The following DDC variants were observed in gnomAD, a reference collection of about 807,000 sequenced individuals.
DDC encodes the protein dopa decarboxylase.
Under a neutral mutation model 60.0 loss-of-function variants are expected in DDC, and 43 were observed. That is an observed-to-expected ratio of 0.72 (90% confidence interval 0.56 to 0.92). The LOEUF (loss-of-function observed/expected upper bound fraction) is 0.92, where lower values mean the gene tolerates loss of function less well. Among genes scored for constraint, DDC ranks in the 40% least tolerant of loss-of-function variants. DDC has a pLI of 0.00. For missense variants in DDC, 573 were observed against 620.2 expected (o/e 0.92, Z 0.81); for synonymous variants, 232 against 234.6 (o/e 0.99, Z 0.10).
chr7:50,527,831 C>T (rs1016517888), intron 6 of DDC: 20 of 334,498 alleles, frequency 6.0e-5, no homozygotes, highest in African/African-American at 4.3e-4. Flanking sequence ...AGTTCTTCCA[C>T]ATTACACTGT....
At chr7:50,485,127 C>T (rs2042854800) in intron 9 of DDC, among the ~76,000 whole-genome samples, 1 of 151,914 alleles carries the variant, frequency 6.6e-6, no homozygotes, top group East Asian at 1.9e-4. Flanking sequence ...CAAAATTTAA[C>T]ATTTTGGGAA....
chr7:50,479,800 G>C lies in DDC; in HGVS notation c.1008C>G (p.Ser336Arg), dbSNP rs755084437. 1 of 1,613,454 alleles carries C rather than the reference G, an allele frequency of 6.2e-7. No individual in the cohort carries two copies. Among genetic ancestry groups the C allele is most frequent in the Non-Finnish European group, 8.5e-7 (1 of 1,179,768 alleles). The change falls in exon 10 of 15, where the codon AGC (serine) becomes AGG (arginine). Residue 336 changes from serine (S) to arginine (R), a missense_variant. Ser to Arg is a moderately radical substitution (Grantham distance 110). Transcript: ENST00000444124. ...CTCACAGCTTACCTGAATCCTGATG[G>C]CTGTGCTTCAGGTAAGTGGGGTCCA... ...FRLDPTYLKH[S>R]HQDSGLITDY...
Position 50,467,254 on chromosome 7 carries a change from C to T in DDC, c.1202G>A (p.Cys401Tyr). Residue 401 changes from cysteine to tyrosine, a missense_variant, in exon 13 of 15, where the codon TGT becomes TAT. Physicochemically the swap from Cys to Tyr is radical, Grantham distance 194. Transcript: ENST00000444124. ...GACAAGCCCCAGAATGACTTCCACA[C>T]AGATTTCAAAGCGGGGATCCTGGCG... The part of the protein sequence containing the change: ...LVRQDPRFEI[C>Y]VEVILGLVCF... 1.2e-6 allele frequency: 2 copies of T among 1,614,194 alleles called. No homozygotes were observed. The highest frequency in any genetic ancestry group is 8.5e-7 in the Non-Finnish European group (1 of 1,180,012).
At chr7:50,557,445 G>C (rs1319497791) in intron 1 of DDC, among the ~76,000 whole-genome samples, 1 of 152,252 alleles carries the variant, frequency 6.6e-6, no homozygotes, top group Non-Finnish European at 1.5e-5. Flanking sequence ...ACATGAAACT[G>C]ATTGATATTA....
chr7:50,526,013 G>A (rs748320466), intron 6 of DDC, among the ~76,000 whole-genome samples: 10 of 151,944 alleles, frequency 6.6e-5, no homozygotes, highest in Non-Finnish European at 1.5e-4. Flanking sequence ...AGGAAATGAG[G>A]AGAGGCAAAC....
chr7:50,458,991 C>T (rs1268112063), intron 14 of DDC, 148 bp from the exon 15 acceptor site: 2 of 152,076 alleles, frequency 1.3e-5, no homozygotes, highest in Admixed American at 6.5e-5. Flanking sequence ...TTTCCACGGT[C>T]TCCCACTGAT....
intron 6 of DDC, among the ~76,000 whole-genome samples, chr7:50,526,008 A>G (rs2044027991): frequency 1.3e-5 from 2 of 152,114 alleles, no homozygotes; most frequent in Non-Finnish European, 2.9e-5. Flanking sequence ...GAGAGAGGAA[A>G]TGAGGAGAGG....
intron 6 of DDC, among the ~76,000 whole-genome samples, chr7:50,514,067 C>T (rs1428299879): frequency 6.6e-6 from 1 of 152,154 alleles, no homozygotes; most frequent in African/African-American, 2.4e-5. Context: ...TCACGGAGTC[C>T]ATTGCACCCC....
At chr7:50,462,242 A>AG (rs1317694816) in intron 14 of DDC, among the ~76,000 whole-genome samples, 3 of 147,714 alleles carry the variant, frequency 2.0e-5, no homozygotes, top group South Asian at 2.1e-4. Flanking sequence ...AAAAAAAAAA[A>AG]AAAAAAGAAA....
intron 13 of DDC, among the ~76,000 whole-genome samples, chr7:50,463,928 C>T (rs1271298758): frequency 1.3e-5 from 2 of 152,132 alleles, no homozygotes; most frequent in Admixed American, 6.6e-5. Flanking sequence ...CAGACAAGCA[C>T]GGCCCACCAG....
Position 50,460,339 on chromosome 7 carries a change from C to T in DDC, c.*19-1496G>A, listed in dbSNP as rs1389636169. Among the ~76,000 whole-genome samples, 8 of 141,032 alleles carry T rather than the reference C, an allele frequency of 5.7e-5. 1 individual carries two copies. Among genetic ancestry groups the T allele is most frequent in the East Asian group, 2.1e-4 (1 of 4,654 alleles). The allele number at this position is 141,032 out of a possible 152,430, so 92.5% of individuals were successfully genotyped here. A position where few individuals can be genotyped will look rare whatever the true frequency, so the allele number is the denominator to read the frequency against. ...TGAGGAGCCCCTCTGCCCGGCCAGC[C>T]GCCCCGTCCAGGAAGGAGGTGGGAG... On this transcript the variant is annotated intron_variant, in intron 14 of 14. Coordinates refer to ENST00000444124, the MANE Select transcript of DDC (RefSeq NM_001082971.2).
intron 1 of DDC, among the ~76,000 whole-genome samples, 191 bp from the exon 2 acceptor site, chr7:50,544,304 G>C (rs949010558): frequency 3.9e-5 from 6 of 152,282 alleles, no homozygotes; most frequent in Admixed American, 2.6e-4. Flanking sequence ...TTGGGACTGA[G>C]GCAAAAGCTG....
chr7:50,495,798 A>G lies in DDC; in HGVS notation c.877-381T>C, dbSNP rs555529839. ...ATGTGACATAAAATGTATCCATATTATATTTTAAATTACTGGAATATTTGG... is the reference window on the plus strand; with the variant it reads ...ATGTGACATAAAATGTATCCATATTGTATTTTAAATTACTGGAATATTTGG... On this transcript the variant is annotated intron_variant, in intron 8 of 14. Coordinates refer to ENST00000444124, the MANE Select transcript of DDC (RefSeq NM_001082971.2). Among the ~76,000 whole-genome samples the G allele has an allele frequency of 2.0e-5, 3 of 152,364 alleles. No homozygotes were observed. In the South Asian group the frequency reaches 6.2e-4, roughly 32 times the overall value.
At position 50,480,167 on chromosome 7, in the gene DDC, C is replaced by T. The variant is rs11575453; in HGVS notation, c.945-304G>A. On this transcript the variant is annotated intron_variant, in intron 9 of 14. Transcript: ENST00000444124. ...CTGGCAGCTGGGGTCTCCTCGATGG[C>T]TTCCAATCTCCAGGGAGGGTAGGGG... Among the ~76,000 whole-genome samples, 15,813 of 152,246 alleles carry T rather than the reference C, an allele frequency of 0.1. 858 individuals are homozygous for T. The highest frequency in any genetic ancestry group is 0.14 in the African/African-American group (5,661 of 41,516).
At chr7:50,507,984 C>T (rs553346044) in intron 6 of DDC, among the ~76,000 whole-genome samples, 1 of 152,336 alleles carries the variant, frequency 6.6e-6, no homozygotes, top group East Asian at 1.9e-4. Flanking sequence ...CAAATGTGAC[C>T]CCAGGCTTGG....
chr7:50,515,922 A>T (rs1193175285), intron 6 of DDC, among the ~76,000 whole-genome samples: 1 of 152,204 alleles, frequency 6.6e-6, no homozygotes, highest in African/African-American at 2.4e-5. Flanking sequence ...TCCCAAATTG[A>T]TCAAACAATT....
At chr7:50,482,161 T>A (rs17152020) in intron 9 of DDC, among the ~76,000 whole-genome samples, 33,430 of 152,088 alleles carry the variant, frequency 0.22, 3,826 homozygotes, top group African/African-American at 0.23. Flanking sequence ...ATTCAATAGC[T>A]CCAAATCAGT....
At position 50,458,747 on chromosome 7, in the gene DDC, T is replaced by C. The variant is rs1238528813; in HGVS notation, c.*115A>G. The C allele has an allele frequency of 6.6e-6, 1 of 152,176 alleles. No homozygotes were observed. Among genetic ancestry groups the C allele is most frequent in the Non-Finnish European group, 1.5e-5 (1 of 68,026 alleles). The allele number at this position is 152,176 out of a possible 1,614,324, so 9.4% of individuals were successfully genotyped here. A position where few individuals can be genotyped will look rare whatever the true frequency, so the allele number is the denominator to read the frequency against. On this transcript the variant is annotated 3_prime_UTR_variant, in exon 15 of 15. Transcript: ENST00000444124. ...CTCTGGATAACTTTGGAGAAAGACA[T>C]GGGAAGCCACAGACAGCTGAGTTCC...
intron 6 of DDC, among the ~76,000 whole-genome samples, chr7:50,510,806 C>G (rs1018560066): frequency 6.6e-6 from 1 of 151,370 alleles, no homozygotes; most frequent in African/African-American, 2.4e-5. Context: ...ACGGTAAAAC[C>G]CCGTCTCTAC....
Sources: gnomAD v4.1 joint callset for allele counts (sites outside exome capture counted in the v4.1 genomes callset) on GRCh38, gnomAD v4.1.1 for gene constraint, MANE v1.5 for transcripts, NCBI Gene and HGNC (gene_info 2026-07-23, HGNC 2026-07-21) for gene names.